Variants in ULK4 observed in about 807,000 individuals in gnomAD.
The protein encoded by ULK4 is unc-51 like kinase 4.
ULK4 carries 133 observed loss-of-function variants against 160.6 expected under a neutral mutation model. That is an observed-to-expected ratio of 0.83 (90% CI 0.72 to 0.96). The LOEUF (loss-of-function observed/expected upper bound fraction) is 0.96. Ranked by LOEUF, ULK4 falls within the 40% of genes least tolerant of loss-of-function variation. The probability of loss-of-function intolerance (pLI) is 0.00; values close to 1 mark genes in which losing one functional copy is unlikely to be tolerated. For synonymous variants in ULK4, 534 were observed against 539.8 expected, an observed-to-expected ratio of 0.99 and a Z score of 0.15; for missense variants, 1,580 against 1,499.5, an observed-to-expected ratio of 1.05 and a Z score of -0.89.
chr3:41,557,909 AAAG>A (rs1475981681), intron 32 of ULK4, among the ~76,000 whole-genome samples: 1 of 152,180 alleles, frequency 6.6e-6, no homozygotes, highest in Non-Finnish European at 1.5e-5. Flanking sequence ...AGACCTATAT[AAAG>A]AAAACTACAA....
At chr3:41,316,020 C>G (rs1483086517) in intron 35 of ULK4, among the ~76,000 whole-genome samples, 1 of 152,144 alleles carries the variant, frequency 6.6e-6, no homozygotes, top group Non-Finnish European at 1.5e-5. Flanking sequence ...CCAAATGACC[C>G]AGGAATTCCA....
At chr3:41,777,173 G>T (rs1239385486) in intron 21 of ULK4, among the ~76,000 whole-genome samples, 9 of 81,852 alleles carry the variant, frequency 1.1e-4, no homozygotes, top group East Asian at 3.0e-4. Context: ...GTCGAGGAAT[G>T]TATCCATTTC....
chr3:41,561,505 T>C (rs979242165), intron 32 of ULK4, among the ~76,000 whole-genome samples: 1 of 152,188 alleles, frequency 6.6e-6, no homozygotes, highest in Non-Finnish European at 1.5e-5. Context: ...GGACTTTTGG[T>C]TGGCAGGCTA....
intron 22 of ULK4, among the ~76,000 whole-genome samples, chr3:41,738,707 T>A (rs1481408107): frequency 6.6e-6 from 1 of 152,000 alleles, no homozygotes; most frequent in Non-Finnish European, 1.5e-5. Context: ...AAACAAGTTA[T>A]TGCACCTTCT....
Position 41,835,974 on chromosome 3 carries a change from G to GAA in ULK4, c.1657-4_1657-3insTT. ...AATTCAGTTAAGAGAACAATTGCCT[G>GAA]CAAAGACAAAAAAAAAAAAAGTAAA... On this transcript the variant is annotated splice_polypyrimidine_tract_variant and splice_region_variant and intron_variant, in intron 17 of 36. Transcript: ENST00000301831. 2 of 1,494,910 alleles carry GAA rather than the reference G, an allele frequency of 1.3e-6. No individual in the cohort carries two copies. Among genetic ancestry groups the GAA allele is most frequent in the African/African-American group, 2.1e-5 (1 of 48,116 alleles). The allele number at this position is 1,494,910 out of a possible 1,614,324, so 92.6% of individuals were successfully genotyped here. A position where few individuals can be genotyped will look rare whatever the true frequency, so the allele number is the denominator to read the frequency against.
At chr3:41,649,946 T>C (rs933818316) in intron 30 of ULK4, among the ~76,000 whole-genome samples, 5 of 152,158 alleles carry the variant, frequency 3.3e-5, no homozygotes, top group African/African-American at 1.2e-4. Flanking sequence ...TCTCAGCCCA[T>C]GAAAACCCCA....
intron 20 of ULK4, among the ~76,000 whole-genome samples, chr3:41,797,217 G>C (rs1454010680): frequency 2.6e-5 from 4 of 151,494 alleles, no homozygotes; most frequent in African/African-American, 9.7e-5. Flanking sequence ...CATTTTTAAA[G>C]GGTTACGAAA....
intron 25 of ULK4, among the ~76,000 whole-genome samples, chr3:41,710,497 T>G (rs147102331): frequency 9.5e-4 from 145 of 152,208 alleles, no homozygotes; most frequent in African/African-American, 3.3e-3. Context: ...TAACTAGCAT[T>G]AAGATTTGTC....
chr3:41,294,006 C>T (rs1032613111), intron 35 of ULK4, among the ~76,000 whole-genome samples: 6 of 152,258 alleles, frequency 3.9e-5, no homozygotes, highest in African/African-American at 9.6e-5. Flanking sequence ...GGGCCCAGCC[C>T]GGAGGGTTGA....
chr3:41,625,716 G>T (rs1559441596), intron 30 of ULK4, among the ~76,000 whole-genome samples: 1 of 152,124 alleles, frequency 6.6e-6, no homozygotes, highest in Non-Finnish European at 1.5e-5. Flanking sequence ...TAAATCATCT[G>T]TCATTTTACT....
intron 32 of ULK4, among the ~76,000 whole-genome samples, chr3:41,500,711 G>A (rs1284386993): frequency 6.6e-6 from 1 of 152,090 alleles, no homozygotes; most frequent in African/African-American, 2.4e-5. Flanking sequence ...GCCAGTTCTG[G>A]AATGATTTGG....
intron 5 of ULK4, among the ~76,000 whole-genome samples, chr3:41,929,251 T>C (rs7622665): frequency 0.68 from 103,669 of 152,034 alleles, 39,013 homozygotes; most frequent in East Asian, 0.83. Context: ...CACATGATTA[T>C]CTCAATAGAT....
rs1417380362 is a variant in ULK4 at position 41,856,614 on chromosome 3, TAC to T, written c.1657-20645_1657-20644del. Among the ~76,000 whole-genome samples, 243 of 84,808 alleles carry T rather than the reference TAC, an allele frequency of 2.9e-3. 6 individuals carry two copies. The highest frequency in any genetic ancestry group is 0.016 in the African/African-American group (232 of 14,900). The allele number at this position is 84,808 out of a possible 152,430, so 55.6% of individuals were successfully genotyped here. A position where few individuals can be genotyped will look rare whatever the true frequency, so the allele number is the denominator to read the frequency against. The stretch of plus-strand genomic sequence containing the variant: ...ACATATATATATATGTGTATATATA[TAC>T]ACATATATATATATGTATATATATG... On this transcript the variant is annotated intron_variant, in intron 17 of 36. Transcript: ENST00000301831.
chr3:41,771,983 G>A (rs1270256912), intron 21 of ULK4, among the ~76,000 whole-genome samples: 1 of 152,034 alleles, frequency 6.6e-6, no homozygotes, highest in Non-Finnish European at 1.5e-5. Flanking sequence ...ACTACCCTCC[G>A]TCTATCCTCA....
intron 32 of ULK4, among the ~76,000 whole-genome samples, chr3:41,534,190 T>G (rs998655892): frequency 1.9e-4 from 29 of 152,198 alleles, no homozygotes; most frequent in African/African-American, 6.0e-4. Flanking sequence ...CTCAAACAGT[T>G]TAATAAAAAA....
rs752180793 is a variant in ULK4, at chr3:41,317,276, CT to C, written c.3679-67703del. 4.6e-5 allele frequency among the ~76,000 whole-genome samples: 7 copies of C among 152,034 alleles called. No individual in the cohort carries two copies. The East Asian group carries it at 1.4e-3, about 29-fold the overall frequency. On this transcript the variant is annotated intron_variant, in intron 35 of 36. Coordinates refer to ENST00000301831, the MANE Select transcript of ULK4 (RefSeq NM_017886.4). ...ATTTTTAGTAGAGACGGGGTTTCACCTTGTTAGCCAGGATCGTCTCGATCTC... is the reference window on the plus strand; with the variant it reads ...ATTTTTAGTAGAGACGGGGTTTCACCTGTTAGCCAGGATCGTCTCGATCTC...
intron 35 of ULK4, among the ~76,000 whole-genome samples, chr3:41,328,250 T>C (rs2080373816): frequency 1.3e-5 from 2 of 152,292 alleles, no homozygotes; most frequent in Non-Finnish European, 2.9e-5. Context: ...CAGAGTGATA[T>C]GGCTTCTAGA....
intron 22 of ULK4, among the ~76,000 whole-genome samples, chr3:41,749,966 AC>A (rs1484818054): frequency 6.6e-6 from 1 of 152,184 alleles, no homozygotes; most frequent in African/African-American, 2.4e-5. Context: ...CTGAGCATGA[AC>A]CCCAGCCAAA....
chr3:41,805,653 G>A (rs1413286896), intron 19 of ULK4, among the ~76,000 whole-genome samples: 12 of 151,128 alleles, frequency 7.9e-5, no homozygotes, highest in Admixed American at 2.6e-4. Context: ...TTTGAGATAC[G>A]TCCCATCAAT....
Sources: gnomAD v4.1 joint callset for allele counts (sites outside exome capture counted in the v4.1 genomes callset) on GRCh38, gnomAD v4.1.1 for gene constraint, MANE v1.5 for transcripts, NCBI Gene and HGNC (gene_info 2026-07-23, HGNC 2026-07-21) for gene names.